NBAS: variants seen among roughly 807,000 people sequenced by gnomAD.
NBAS encodes NAG/BC035112 fusion.
A neutral mutation model predicts 302.5 loss-of-function variants in NBAS; 219 were observed. The ratio of observed to expected loss-of-function variants is 0.72; its 90% CI spans 0.65 to 0.81. NBAS has a LOEUF of 0.81. NBAS is among the 30% of genes least tolerant of loss of function. The pLI is 0.00. For synonymous variants in NBAS, 1,118 were observed against 1,021.6 expected, an observed-to-expected ratio of 1.09 and a Z score of -1.80; for missense variants, 2,932 against 2,841.6, an observed-to-expected ratio of 1.03 and a Z score of -0.72.
the NBAS span, among the ~76,000 whole-genome samples, chr2:14,925,841 G>C: frequency 6.6e-6 from 1 of 152,204 alleles, no homozygotes; most frequent in African/African-American, 2.4e-5. Flanking sequence ...GAATTAAACA[G>C]TTAAGATGGA....
intron 50 of NBAS, chr2:15,180,461 A>G (rs1664767379): frequency 6.6e-6 from 1 of 152,272 alleles, no homozygotes; most frequent in Admixed American, 6.5e-5. Context: ...TGGGGCAAAG[A>G]AACAGGCAGA....
At chr2:15,065,726 T>C in the NBAS span, among the ~76,000 whole-genome samples, 1 of 106,584 alleles carries the variant, frequency 9.4e-6, no homozygotes, top group Non-Finnish European at 2.4e-5. Flanking sequence ...AACACATTGA[T>C]TTAAAAAAAA....
chr2:15,304,680 A>G (rs1259606867), intron 40 of NBAS, among the ~76,000 whole-genome samples: 1 of 152,236 alleles, frequency 6.6e-6, no homozygotes, highest in Non-Finnish European at 1.5e-5. Context: ...TGTTGGGGAC[A>G]AAGACGACTC....
the NBAS span, among the ~76,000 whole-genome samples, chr2:14,815,278 C>G: frequency 6.6e-6 from 1 of 152,190 alleles, no homozygotes; most frequent in Non-Finnish European, 1.5e-5. Flanking sequence ...CTACTTCACT[C>G]AAAATACTAG....
At chr2:15,428,779 C>T (rs893912655) in intron 21 of NBAS, among the ~76,000 whole-genome samples, 2 of 152,110 alleles carry the variant, frequency 1.3e-5, no homozygotes, top group African/African-American at 4.8e-5. Context: ...CGCGGTGGCT[C>T]ACGCCTGTAA....
At chr2:15,549,211 C>T (rs1332670911) in intron 6 of NBAS, among the ~76,000 whole-genome samples, 6 of 151,586 alleles carry the variant, frequency 4.0e-5, no homozygotes, top group Non-Finnish European at 4.4e-5. Context: ...GTAACTTGCC[C>T]GAGGTTACCA....
At chr2:15,093,181 G>A in the NBAS span, among the ~76,000 whole-genome samples, 10 of 152,198 alleles carry the variant, frequency 6.6e-5, no homozygotes, top group African/African-American at 2.4e-4. Flanking sequence ...TTTGGGAGGC[G>A]GAGGCGGGCA....
chr2:14,941,663 A>G, the NBAS span, among the ~76,000 whole-genome samples: 1 of 152,172 alleles, frequency 6.6e-6, no homozygotes, highest in South Asian at 2.1e-4. Context: ...AGAGGACTAC[A>G]CTCAATTAGG....
chr2:14,861,706 T>C, the NBAS span, among the ~76,000 whole-genome samples: 1 of 152,238 alleles, frequency 6.6e-6, no homozygotes. Flanking sequence ...TATTGCACTT[T>C]TTTAAGAGTC....
At chr2:15,523,439 G>C (rs145099591) in intron 9 of NBAS, among the ~76,000 whole-genome samples, 3 of 140,926 alleles carry the variant, frequency 2.1e-5, no homozygotes, top group East Asian at 3.9e-4. Context: ...ATTTACATTG[G>C]ATGAGGTATT....
rs189785419 is a variant in NBAS at position 15,492,982 on chromosome 2, T to C, written c.955-3960A>G. Among the ~76,000 whole-genome samples the C allele has an allele frequency of 2.8e-3, 432 of 152,300 alleles. 1 individual carries two copies. The highest frequency in any genetic ancestry group is 0.02 in the Middle Eastern group (6 of 294). On this transcript the variant is annotated intron_variant, in intron 11 of 51. Coordinates refer to ENST00000281513, the MANE Select transcript of NBAS (RefSeq NM_015909.4). ...CCCACCCAAATCTCATTTTGAATTATTGTAATCCCCATGTGTCAGGGGAGG... is the reference window on the plus strand; with the variant it reads ...CCCACCCAAATCTCATTTTGAATTACTGTAATCCCCATGTGTCAGGGGAGG...
rs541406778 is a variant in NBAS at position 15,265,237 on chromosome 2, T to C, written c.5724+10247A>G. Among the ~76,000 whole-genome samples, 28 of 152,306 alleles carry C rather than the reference T, an allele frequency of 1.8e-4. No individual in the cohort carries two copies. In the South Asian group the frequency reaches 5.8e-3, roughly 32 times the overall value. On this transcript the variant is annotated intron_variant, in intron 44 of 51. Transcript: ENST00000281513. ...CAGTTCCTTTAGCAGAAAAGTGTCA[T>C]GCAATCTCATGCGATCAACATCAAA...
intron 40 of NBAS, among the ~76,000 whole-genome samples, chr2:15,303,484 TAAA>T (rs1670898523): frequency 6.6e-6 from 1 of 152,182 alleles, no homozygotes; most frequent in African/African-American, 2.4e-5. Flanking sequence ...GAAACCAAGA[TAAA>T]CACACCTACT....
chr2:15,394,817 A>C (rs16862596), intron 27 of NBAS, among the ~76,000 whole-genome samples: 2,953 of 152,186 alleles, frequency 0.019, 97 homozygotes, highest in African/African-American at 0.067. Flanking sequence ...CCATTTTATA[A>C]ATATACAAGA....
At chr2:15,478,083 C>T in intron 13 of NBAS, 143 bp downstream of exon 13, 1 of 384,604 alleles carries the variant, frequency 2.6e-6, no homozygotes, top group South Asian at 2.9e-5. Context: ...GGATCTGTTG[C>T]CTTGACCCAA....
At chr2:14,872,481 T>G in the NBAS span, among the ~76,000 whole-genome samples, 4 of 152,214 alleles carry the variant, frequency 2.6e-5, no homozygotes, top group African/African-American at 4.8e-5. Flanking sequence ...GCCTCCCTAA[T>G]GCGTCTGGAA....
At chr2:15,298,445 C>G (rs1222218305) in intron 40 of NBAS, among the ~76,000 whole-genome samples, 1 of 152,116 alleles carries the variant, frequency 6.6e-6, no homozygotes, top group Non-Finnish European at 1.5e-5. Flanking sequence ...TAGTTTTTCC[C>G]TCTGAGCTGT....
chr2:15,303,494 T>C (rs1418995865), intron 40 of NBAS, among the ~76,000 whole-genome samples: 3 of 152,190 alleles, frequency 2.0e-5, no homozygotes, highest in Admixed American at 6.5e-5. Flanking sequence ...TAAACACACC[T>C]ACTTCGAACC....
intron 46 of NBAS, among the ~76,000 whole-genome samples, chr2:15,233,944 G>A (rs767144586): frequency 6.6e-6 from 1 of 152,156 alleles, no homozygotes. Context: ...AGTCCTTGAT[G>A]CCTCATTATT....
Sources: gnomAD v4.1 joint callset for allele counts (sites outside exome capture counted in the v4.1 genomes callset) on GRCh38, gnomAD v4.1.1 for gene constraint, MANE v1.5 for transcripts, NCBI Gene and HGNC (gene_info 2026-07-23, HGNC 2026-07-21) for gene names.